Variants in ARHGAP15 observed in about 807,000 individuals in gnomAD.
ARHGAP15 encodes the protein rho GTPase-activating protein 15.
Under a neutral mutation model 63.7 loss-of-function variants are expected in ARHGAP15, and 51 were observed. The observed-to-expected ratio is 0.80, with a 90% CI of 0.64 to 1.01. ARHGAP15 has a LOEUF of 1.01. Among genes scored for constraint, ARHGAP15 ranks in the 50% least tolerant of loss-of-function variants. The pLI is 0.00. For synonymous variants in ARHGAP15, 191 were observed against 193.8 expected (o/e 0.99, Z 0.12); for missense variants, 560 against 564.6 (o/e 0.99, Z 0.08).
At position 143,332,973 on chromosome 2, in the gene ARHGAP15, G is replaced by GAA. The variant is rs34554225; in HGVS notation, c.474+82388_474+82389dup. ...AAAACCCAGAACAGACATTTAAAAT[G>GAA]AAAAAAAAAAAAAAAAGCTACCATT... On this transcript the variant is annotated intron_variant, in intron 6 of 13. Coordinates refer to ENST00000295095, the MANE Select transcript of ARHGAP15 (RefSeq NM_018460.4). Among the ~76,000 whole-genome samples, 173 of 108,398 alleles carry GAA rather than the reference G, an allele frequency of 1.6e-3. 1 individual carries two copies. The highest frequency in any genetic ancestry group is 3.4e-3 in the South Asian group (11 of 3,202). The allele number at this position is 108,398 out of a possible 152,430, so 71.1% of individuals were successfully genotyped here. A position where few individuals can be genotyped will look rare whatever the true frequency, so the allele number is the denominator to read the frequency against.
At chr2:143,657,994 C>T (rs565909038) in intron 12 of ARHGAP15, among the ~76,000 whole-genome samples, 2 of 152,336 alleles carry the variant, frequency 1.3e-5, no homozygotes, top group East Asian at 3.9e-4. Flanking sequence ...GAAAACATCC[C>T]TATGCGGCCA....
chr2:143,438,282 CGTAT>C (rs1347297952), intron 8 of ARHGAP15, among the ~76,000 whole-genome samples: 3 of 152,012 alleles, frequency 2.0e-5, no homozygotes, highest in South Asian at 2.1e-4. Context: ...CACATACACA[CGTAT>C]GTATGTATGC....
chr2:143,296,549 G>A (rs1682640872), intron 6 of ARHGAP15, among the ~76,000 whole-genome samples: 1 of 152,000 alleles, frequency 6.6e-6, no homozygotes, highest in Admixed American at 6.6e-5. Flanking sequence ...AAACCTTTGG[G>A]TAAAAAGTTA....
At chr2:143,196,673 T>C (rs73962372) in intron 2 of ARHGAP15, among the ~76,000 whole-genome samples, 3,196 of 152,032 alleles carry the variant, frequency 0.021, 130 homozygotes, top group African/African-American at 0.073. Flanking sequence ...TAGCATGATA[T>C]TGAAACCAAC....
intron 1 of ARHGAP15, among the ~76,000 whole-genome samples, chr2:143,151,782 G>C (rs1034993335): frequency 6.6e-6 from 1 of 151,874 alleles, no homozygotes; most frequent in Admixed American, 6.6e-5. Context: ...GGCTCTAAGT[G>C]GGACCCCAAA....
rs1558779622 is a variant in ARHGAP15, at chr2:143,153,843, T to TCTTCC, written c.-14-1634_-14-1633insCTTCC. 4.0e-4 allele frequency among the ~76,000 whole-genome samples: 35 copies of TCTTCC among 86,886 alleles called. 3 individuals carry two copies. Among genetic ancestry groups the TCTTCC allele is most frequent in the South Asian group, 1.5e-3 (3 of 2,066 alleles). The allele number at this position is 86,886 out of a possible 152,430, so 57.0% of individuals were successfully genotyped here. A position where few individuals can be genotyped will look rare whatever the true frequency, so the allele number is the denominator to read the frequency against. On this transcript the variant is annotated intron_variant, in intron 1 of 13. Coordinates refer to ENST00000295095, the MANE Select transcript of ARHGAP15 (RefSeq NM_018460.4). ...CTTCTTCTTCTTCTTCTTCTTCTTC[T>TCTTCC]TCCTCCTCCTCCTCCTCCTCCTCCT... is the stretch of plus-strand genomic sequence containing the variant.
At chr2:143,234,973 C>T (rs1693585542) in intron 5 of ARHGAP15, among the ~76,000 whole-genome samples, 1 of 152,004 alleles carries the variant, frequency 6.6e-6, no homozygotes, top group South Asian at 2.1e-4. Context: ...TTATTGTTTT[C>T]AGTGGGAGAA....
At chr2:143,170,721 T>C (rs746801937) in intron 2 of ARHGAP15, among the ~76,000 whole-genome samples, 37 of 152,182 alleles carry the variant, frequency 2.4e-4, no homozygotes, top group Admixed American at 2.1e-3. Context: ...GACCTTTCTC[T>C]CATCTGAACT....
Position 143,616,844 on chromosome 2 carries a change from G to T in ARHGAP15, c.1004-7289G>T, listed in dbSNP as rs562773041. On this transcript the variant is annotated intron_variant, in intron 11 of 13. Transcript: ENST00000295095. ...AAGTTTTCATATTTAAAACCACTTTGCTCCTTTCTCTTTGATAGGTATCAT... is the reference window on the plus strand; with the variant it reads ...AAGTTTTCATATTTAAAACCACTTTTCTCCTTTCTCTTTGATAGGTATCAT... Among the ~76,000 whole-genome samples the T allele has an allele frequency of 2.0e-5, 3 of 152,290 alleles. No homozygotes were observed. In the South Asian group the frequency reaches 6.2e-4, roughly 32 times the overall value.
intron 6 of ARHGAP15, among the ~76,000 whole-genome samples, chr2:143,273,124 T>A (rs1443448033): frequency 6.6e-6 from 1 of 152,186 alleles, no homozygotes. Context: ...CTTCTCTATA[T>A]ACATCATTAT....
intron 12 of ARHGAP15, among the ~76,000 whole-genome samples, chr2:143,652,583 A>G (rs1362694513): frequency 6.6e-6 from 1 of 152,104 alleles, no homozygotes; most frequent in Non-Finnish European, 1.5e-5. Context: ...ATATCTCATT[A>G]TTTAATGAGG....
intron 6 of ARHGAP15, among the ~76,000 whole-genome samples, chr2:143,419,461 T>TATCATGACAAAACGTGGAAAC (rs139059272): frequency 6.6e-6 from 1 of 151,876 alleles, no homozygotes; most frequent in Non-Finnish European, 1.5e-5. Flanking sequence ...TGGGTTTATT[T>TATCATGACAAAACGTGGAAAC]AACTAAATTG....
intron 2 of ARHGAP15, among the ~76,000 whole-genome samples, chr2:143,189,316 C>T (rs1050748796): frequency 2.6e-5 from 4 of 152,012 alleles, no homozygotes; most frequent in African/African-American, 9.7e-5. Flanking sequence ...CCTTCTTGTT[C>T]ATTTATTGTA....
At chr2:143,699,878 C>A (rs1007499131) in intron 12 of ARHGAP15, among the ~76,000 whole-genome samples, 1 of 152,088 alleles carries the variant, frequency 6.6e-6, no homozygotes, top group African/African-American at 2.4e-5. Flanking sequence ...GTTTATTCAA[C>A]AAAACTACAC....
intron 4 of ARHGAP15, among the ~76,000 whole-genome samples, chr2:143,221,214 T>C (rs1305589813): frequency 6.6e-6 from 1 of 152,150 alleles, no homozygotes; most frequent in East Asian, 1.9e-4. Context: ...TGTATTGTCT[T>C]CTTATTTTCC....
intron 6 of ARHGAP15, among the ~76,000 whole-genome samples, chr2:143,302,349 C>G (rs1325667570): frequency 6.6e-6 from 1 of 151,866 alleles, no homozygotes; most frequent in Non-Finnish European, 1.5e-5. Flanking sequence ...TACTTTCTCC[C>G]CAAGTTAATT....
intron 8 of ARHGAP15, among the ~76,000 whole-genome samples, chr2:143,482,372 C>A (rs1418354165): frequency 6.6e-6 from 1 of 152,120 alleles, no homozygotes; most frequent in African/African-American, 2.4e-5. Context: ...TTCTATTTTT[C>A]ATAAATGATG....
chr2:143,633,067 G>A lies in ARHGAP15; in HGVS notation c.1138+8800G>A, dbSNP rs369604020. On this transcript the variant is annotated intron_variant, in intron 12 of 13. Coordinates refer to ENST00000295095, the MANE Select transcript of ARHGAP15 (RefSeq NM_018460.4). ...CAGTATAAAAATATCCTCTATTGCA[G>A]CATTTCAAGGAAATTTGAAATTGAA... Among the ~76,000 whole-genome samples the A allele has an allele frequency of 2.8e-4, 43 of 152,256 alleles. 1 individual carries two copies. The East Asian group carries it at 6.8e-3, about 24-fold the overall frequency.
chr2:143,611,434 G>T (rs190385480), intron 11 of ARHGAP15, among the ~76,000 whole-genome samples: 2 of 152,140 alleles, frequency 1.3e-5, no homozygotes, highest in Non-Finnish European at 2.9e-5. Flanking sequence ...CTGGTCCTTA[G>T]TTCCTCACTT....
Sources: allele counts gnomAD v4.1 joint callset (sites outside exome capture counted in the v4.1 genomes callset), GRCh38; gene constraint gnomAD v4.1.1; transcripts MANE v1.5; gene names NCBI Gene and HGNC (gene_info 2026-07-23, HGNC 2026-07-21).